The following MN1 variants were observed in gnomAD, a reference collection of about 807,000 sequenced individuals.
MN1 encodes transcriptional activator MN1.
In MN1, 19 loss-of-function variants were observed where a neutral mutation model predicts 86.9. That is an observed-to-expected ratio of 0.22 (90% CI 0.15 to 0.32). The LOEUF (loss-of-function observed/expected upper bound fraction) is 0.32, where lower values mean the gene tolerates loss of function less well. Ranked by LOEUF, MN1 falls within the 10% of genes least tolerant of loss-of-function variation. The pLI, the probability that MN1 is intolerant of heterozygous loss-of-function variation, is 1.00. For missense variants in MN1, 1,841 were observed against 1,862.0 expected (o/e 0.99, Z 0.21); for synonymous variants, 928 against 849.6 (o/e 1.09, Z -1.60).
Position 27,750,210 on chromosome 22 carries a change from G to C in MN1, c.*705C>G, listed in dbSNP as rs1707617394. ...AGGAGAAGAGAGAACTCAAGTGGAA[G>C]GGAACTGAAGGCTGAGCACTGTGTT... On this transcript the variant is annotated 3_prime_UTR_variant, in exon 2 of 2. Transcript: ENST00000302326. 1 of 231,468 alleles carries C rather than the reference G, an allele frequency of 4.3e-6. No individual in the cohort carries two copies. Among genetic ancestry groups the C allele is most frequent in the African/African-American group, 2.2e-5 (1 of 45,246 alleles). 14.3% of individuals were successfully genotyped at this position (231,468 alleles called of 1,614,324 possible).
chr22:27,779,687 T>C (rs1001146737), intron 1 of MN1, among the ~76,000 whole-genome samples: 7 of 152,136 alleles, frequency 4.6e-5, no homozygotes, highest in Admixed American at 4.6e-4. Flanking sequence ...CTGTAGCTTG[T>C]TAGGATTCCT....
Position 27,797,872 on chromosome 22 carries a change from C to T in MN1, c.2672G>A (p.Gly891Glu), listed in dbSNP as rs1933331102. 1 of 1,590,560 alleles carries T rather than the reference C, an allele frequency of 6.3e-7. No homozygotes were observed. Among genetic ancestry groups the T allele is most frequent in the Non-Finnish European group, 8.6e-7 (1 of 1,169,444 alleles). ...GGTAPGAPGP[G>E]GPSGTSSSGS... is the part of the protein sequence containing the mutation. ...GCTGCTACTGGTCCCGGACGGGCCT[C>T]CGGGTCCTGGGGCCCCAGGAGCAGT... is the stretch of plus-strand genomic sequence containing the variant. The change falls in exon 1 of 2, where the codon GGA (glycine) becomes GAA (glutamate). Residue 891 changes from glycine to glutamate, a missense_variant. By Grantham distance (98) the Gly-to-Glu change is moderately conservative. Coordinates refer to ENST00000302326, the MANE Select transcript of MN1 (RefSeq NM_002430.3).
chr22:27,783,439 G>A lies in MN1; in HGVS notation c.3781+13324C>T, dbSNP rs373865313. ...GAGACACCGTGCCCGGCCCTGTCAT[G>A]GTGCTTTTTAAAAAGGCTTGGAAAC... On this transcript the variant is annotated intron_variant, in intron 1 of 1. Transcript: ENST00000302326. 7.2e-5 allele frequency among the ~76,000 whole-genome samples: 11 copies of A among 152,234 alleles called. No homozygotes were observed. In the East Asian group the frequency reaches 1.4e-3, roughly 19 times the overall value.
In MN1 at chr22:27,751,077, G is replaced by A; in HGVS notation, c.3801C>T (p.Asn1267=). 6.3e-7 allele frequency: 1 copy of A among 1,587,520 alleles called. No individual in the cohort carries two copies. The highest frequency in any genetic ancestry group is 1.3e-5 in the African/African-American group (1 of 74,388). ...NSKEAHDLPA[N]KASASQPGSH... is the part of the protein sequence containing the mutation. ...TGCCAGGCTGGGATGCTGAGGCCTT[G>A]TTTGCAGGGAGGTCGTGGGCTGTGG... Residue 1267 remains asparagine (N), a synonymous_variant, in exon 2 of 2, where the codon AAC becomes AAT. Transcript: ENST00000302326.
chr22:27,782,382 C>T (rs1933066057), intron 1 of MN1, among the ~76,000 whole-genome samples: 1 of 152,360 alleles, frequency 6.6e-6, no homozygotes, highest in South Asian at 2.1e-4. Context: ...AGGCCCGGGG[C>T]TAAGTGCCTG....
Position 27,798,469 on chromosome 22 carries a change from A to T in MN1, c.2075T>A (p.Val692Glu). ...CAGGCCCGGTGAAGGCAGCGCGGGC[A>T]CGTGGCCCTCTCCGGGCATCCTCAT... ...EPMRMPGEGH[V>E]PALPSPGLQF... Residue 692 changes from valine to glutamate, a missense_variant, in exon 1 of 2, where the codon GTG becomes GAG. By Grantham distance (121) the Val-to-Glu change is moderately radical (BLOSUM62 -2). Coordinates refer to ENST00000302326, the MANE Select transcript of MN1 (RefSeq NM_002430.3). The T allele has an allele frequency of 6.4e-7, 1 of 1,564,774 alleles. No homozygotes were observed. Among genetic ancestry groups the T allele is most frequent in the Middle Eastern group, 1.7e-4 (1 of 5,888 alleles).
chr22:27,772,239 A>G (rs950964511), intron 1 of MN1, among the ~76,000 whole-genome samples: 3 of 152,180 alleles, frequency 2.0e-5, no homozygotes, highest in Non-Finnish European at 4.4e-5. Context: ...GGGCCAACTC[A>G]GCCCTTTTTC....
At chr22:27,796,262 T>TA (rs1933293174) in intron 1 of MN1, among the ~76,000 whole-genome samples, 2 of 152,234 alleles carry the variant, frequency 1.3e-5, no homozygotes, top group Admixed American at 1.3e-4. Flanking sequence ...TTTTTTTTCC[T>TA]AAAAATGCTG....
At position 27,798,318 on chromosome 22, in the gene MN1, GC is replaced by G; in HGVS notation, c.2225del (p.Gly742AlafsTer22). The G allele has an allele frequency of 2.0e-6, 3 of 1,519,108 alleles. No homozygotes were observed. The highest frequency in any genetic ancestry group is 2.6e-6 in the Non-Finnish European group (3 of 1,142,356). The allele number at this position is 1,519,108 out of a possible 1,614,324, so 94.1% of individuals were successfully genotyped here. A position where few individuals can be genotyped will look rare whatever the true frequency, so the allele number is the denominator to read the frequency against. On this transcript the variant is annotated frameshift_variant, in exon 1 of 2. Transcript: ENST00000302326. LOFTEE classifies it high-confidence loss of function. ...CTGCACCAAACGGAAAGCCCGGCTG[GC>G]CCCCGAGCGCAGACGTAGCAAAGTC... ...PPDFATSALG[G>X]QPGFPFGAAG... is the part of the protein sequence containing the mutation.
rs748228697 is a variant in MN1, at chr22:27,797,609, G to C, written c.2935C>G (p.Gln979Glu). The change falls in exon 1 of 2, where the codon CAG (glutamine) becomes GAG (glutamate). Residue 979 changes from glutamine to glutamate, a missense_variant. Transcript: ENST00000302326. ...CCGACGGCTGCGCCTGACGCTTGCT[G>C]CTGCCCTGGGCTCACCCCAGGTGCG... ...GGAPGVSPGQQQASGAAVGGS... is the reference protein window; with the variant it reads ...GGAPGVSPGQEQASGAAVGGS... 2 of 1,590,990 alleles carry C rather than the reference G, an allele frequency of 1.3e-6. No individual in the cohort carries two copies. The highest frequency in any genetic ancestry group is 1.3e-5 in the African/African-American group (1 of 74,164).
chr22:27,781,803 T>C (rs1017618101), intron 1 of MN1, among the ~76,000 whole-genome samples: 1 of 152,064 alleles, frequency 6.6e-6, no homozygotes, highest in Admixed American at 6.6e-5. Flanking sequence ...CTTGTCTGCC[T>C]CCTAAACCCT....
In MN1 at chr22:27,799,502, G is replaced by A. The variant is rs986147784; in HGVS notation, c.1042C>T (p.Pro348Ser). The A allele has an allele frequency of 2.9e-5, 42 of 1,452,990 alleles. No individual in the cohort carries two copies. The highest frequency in any genetic ancestry group is 3.5e-5 in the Non-Finnish European group (39 of 1,102,890). The allele number at this position is 1,452,990 out of a possible 1,614,324, so 90.0% of individuals were successfully genotyped here. A position where few individuals can be genotyped will look rare whatever the true frequency, so the allele number is the denominator to read the frequency against. ...GGCTGCTGCGGGGGCTGCTGCTGAG[G>A]GGGTGGCGGGGCCTGCTGGGGAGGC... ...MQPPQQAPPP[P>S]QQQPPQQPPQ... Residue 348 changes from proline to serine, a missense_variant, in exon 1 of 2, where the codon CCT becomes TCT. By Grantham distance (74) the Pro-to-Ser change is moderately conservative. Coordinates refer to ENST00000302326, the MANE Select transcript of MN1 (RefSeq NM_002430.3).
chr22:27,789,803 T>C (rs1177207166), intron 1 of MN1, among the ~76,000 whole-genome samples: 1 of 152,246 alleles, frequency 6.6e-6, no homozygotes, highest in Non-Finnish European at 1.5e-5. Flanking sequence ...AAGATACGCA[T>C]GCAATCACTA....
At chr22:27,788,477 C>T (rs995380828) in intron 1 of MN1, among the ~76,000 whole-genome samples, 4 of 152,118 alleles carry the variant, frequency 2.6e-5, no homozygotes, top group Admixed American at 2.6e-4. Context: ...TGCCGACTTC[C>T]CCACCCCTTC....
At chr22:27,760,881 G>A (rs990518510) in intron 1 of MN1, among the ~76,000 whole-genome samples, 2 of 152,224 alleles carry the variant, frequency 1.3e-5, no homozygotes, top group East Asian at 1.9e-4. Context: ...GGGCGTGACC[G>A]TGAACATGAC....
Position 27,767,211 on chromosome 22 carries a change from C to G in MN1, c.3782-16115G>C, listed in dbSNP as rs45558333. Among the ~76,000 whole-genome samples, 175 of 152,236 alleles carry G rather than the reference C, an allele frequency of 1.1e-3. 2 individuals carry two copies. Among genetic ancestry groups the G allele is most frequent in the African/African-American group, 4.2e-3 (173 of 41,550 alleles). ...ATCAATTCCTGGGAACAGGAACAAACCCTAAAGAGTCCCTAAAATGAGAAA... is the reference window on the plus strand; with the variant it reads ...ATCAATTCCTGGGAACAGGAACAAAGCCTAAAGAGTCCCTAAAATGAGAAA... On this transcript the variant is annotated intron_variant, in intron 1 of 1. Transcript: ENST00000302326.
Position 27,800,593 on chromosome 22 carries a change from CG to C in MN1, c.-51del, listed in dbSNP as rs1287487663. The C allele has an allele frequency of 6.2e-7, 1 of 1,610,136 alleles. No individual in the cohort carries two copies. The highest frequency in any genetic ancestry group is 8.5e-7 in the Non-Finnish European group (1 of 1,179,450). On this transcript the variant is annotated 5_prime_UTR_variant, in exon 1 of 2. Coordinates refer to ENST00000302326, the MANE Select transcript of MN1 (RefSeq NM_002430.3). ...CAATAGGGCATGACAGCCGGCTCTC[CG>C]CGGCGCGCCTCCGGCCAGCTACTCG...
At chr22:27,769,136 G>T (rs540511184) in intron 1 of MN1, among the ~76,000 whole-genome samples, 1 of 152,060 alleles carries the variant, frequency 6.6e-6, no homozygotes, top group Non-Finnish European at 1.5e-5. Context: ...TCAACCACGC[G>T]GGGCTCCCAC....
Position 27,798,879 on chromosome 22 carries a change from G to C in MN1, c.1665C>G (p.Ala555=). Residue 555 remains alanine (A), a synonymous_variant, in exon 1 of 2, where the codon GCC becomes GCG. Transcript: ENST00000302326. ...QQQQQQRQNA[A]LMIKQMASRN... ...GCGACGCCATCTGCTTAATCATGAG[G>C]GCCGCGTTTTGGCGCTGCTGCTGCT... 4 of 1,548,112 alleles carry C rather than the reference G, an allele frequency of 2.6e-6. No individual in the cohort carries two copies. Among genetic ancestry groups the C allele is most frequent in the Non-Finnish European group, 3.5e-6 (4 of 1,147,960 alleles).
Sources: gnomAD v4.1 joint callset for allele counts (sites outside exome capture counted in the v4.1 genomes callset) on GRCh38, gnomAD v4.1.1 for gene constraint, MANE v1.5 for transcripts, NCBI Gene and HGNC (gene_info 2026-07-23, HGNC 2026-07-21) for gene names.